Variants in C1orf21 observed in about 807,000 individuals in gnomAD.
C1orf21 encodes the protein chromosome 1 open reading frame 21.
C1orf21 carries 3 observed loss-of-function variants against 18.7 expected under a neutral mutation model. That is an observed-to-expected ratio of 0.16 (90% CI 0.07 to 0.42). The LOEUF is 0.42. Among genes scored for constraint, C1orf21 ranks in the 10% least tolerant of loss-of-function variants. The probability of loss-of-function intolerance (pLI) is 0.99; values close to 1 mark genes in which losing one functional copy is unlikely to be tolerated. For missense variants in C1orf21, 104 were observed against 143.6 expected (o/e 0.72, Z 1.41); for synonymous variants, 41 against 46.4 (o/e 0.88, Z 0.47).
chr1:184,568,882 C>A (rs1241748825), intron 3 of C1orf21, among the ~76,000 whole-genome samples: 1 of 152,240 alleles, frequency 6.6e-6, no homozygotes, highest in Non-Finnish European at 1.5e-5. Context: ...CCGTGTAGCA[C>A]ACAAGTAAAG....
intron 4 of C1orf21, among the ~76,000 whole-genome samples, chr1:184,597,225 A>C (rs1055141710): frequency 2.0e-5 from 3 of 152,238 alleles, no homozygotes; most frequent in Non-Finnish European, 4.4e-5. Flanking sequence ...ATATATGTGA[A>C]AGTGCTTTGT....
chr1:184,531,993 T>C (rs1412794800), intron 3 of C1orf21, among the ~76,000 whole-genome samples: 1 of 152,140 alleles, frequency 6.6e-6, no homozygotes, highest in Non-Finnish European at 1.5e-5. Context: ...TTATTTGTGT[T>C]GGTATACATT....
chr1:184,417,389 C>T (rs1453918096), intron 1 of C1orf21, among the ~76,000 whole-genome samples: 2 of 152,192 alleles, frequency 1.3e-5, no homozygotes, highest in Non-Finnish European at 2.9e-5. Context: ...AGATAGCTCT[C>T]AGAGTAGCTA....
At chr1:184,497,564 A>G (rs1217293441) in intron 2 of C1orf21, among the ~76,000 whole-genome samples, 1 of 152,218 alleles carries the variant, frequency 6.6e-6, no homozygotes, top group African/African-American at 2.4e-5. Context: ...GTGGAAAGTC[A>G]AGTCATGAAT....
chr1:184,596,504 G>A (rs186208660), intron 4 of C1orf21, among the ~76,000 whole-genome samples: 27 of 152,242 alleles, frequency 1.8e-4, no homozygotes, highest in African/African-American at 6.0e-4. Flanking sequence ...TGAGGTCCCT[G>A]GAATATTTTC....
intron 3 of C1orf21, among the ~76,000 whole-genome samples, chr1:184,511,297 C>G (rs183292735): frequency 2.3e-4 from 35 of 152,260 alleles, no homozygotes; most frequent in Admixed American, 1.4e-3. Context: ...CTTAGACAGT[C>G]AGATTATCTG....
chr1:184,397,473 C>T (rs1283995353), intron 1 of C1orf21, among the ~76,000 whole-genome samples: 2 of 152,080 alleles, frequency 1.3e-5, no homozygotes, highest in East Asian at 1.9e-4. Flanking sequence ...GTAGTCCCAG[C>T]TACTTGGGAG....
intron 1 of C1orf21, among the ~76,000 whole-genome samples, chr1:184,435,095 A>G (rs762783199): frequency 1.3e-5 from 2 of 152,174 alleles, no homozygotes; most frequent in African/African-American, 2.4e-5. Context: ...GAAGTAGGGT[A>G]TAGAGCATTA....
At chr1:184,587,773 G>A (rs1659379353) in intron 3 of C1orf21, among the ~76,000 whole-genome samples, 1 of 150,996 alleles carries the variant, frequency 6.6e-6, no homozygotes, top group African/African-American at 2.4e-5. Flanking sequence ...ACACCACCAT[G>A]CCTGGCTAAT....
intron 1 of C1orf21, among the ~76,000 whole-genome samples, chr1:184,405,631 A>T (rs1033700962): frequency 2.0e-5 from 3 of 152,206 alleles, no homozygotes; most frequent in African/African-American, 7.2e-5. Context: ...GGGAGCATTC[A>T]AATGAGCATT....
chr1:184,427,638 T>C (rs1305618341), intron 1 of C1orf21, among the ~76,000 whole-genome samples: 2 of 152,220 alleles, frequency 1.3e-5, no homozygotes, highest in Non-Finnish European at 2.9e-5. Flanking sequence ...ATGAAATTGA[T>C]GTCTCCCTTC....
chr1:184,524,121 A>C (rs1056221869), intron 3 of C1orf21, among the ~76,000 whole-genome samples: 4 of 152,166 alleles, frequency 2.6e-5, no homozygotes, highest in Non-Finnish European at 5.9e-5. Context: ...ATGAGTTTGC[A>C]CGTTCTAAAA....
chr1:184,516,101 C>T (rs550344056), intron 3 of C1orf21, among the ~76,000 whole-genome samples: 25 of 152,320 alleles, frequency 1.6e-4, no homozygotes, highest in South Asian at 8.3e-4. Flanking sequence ...ACATGAGCCA[C>T]CATGCCCAGC....
Position 184,628,017 on chromosome 1 carries a change from C to CTTAT in C1orf21, c.*8462_*8465dup, listed in dbSNP as rs1394515848. The CTTAT allele has an allele frequency of 6.6e-6, 1 of 152,182 alleles. No individual in the cohort carries two copies. The highest frequency in any genetic ancestry group is 1.5e-5 in the Non-Finnish European group (1 of 68,044). The allele number at this position is 152,182 out of a possible 1,614,324, so 9.4% of individuals were successfully genotyped here. On this transcript the variant is annotated 3_prime_UTR_variant, in exon 6 of 6. Coordinates refer to ENST00000235307, the MANE Select transcript of C1orf21 (RefSeq NM_030806.4). ...TTTGCATTTTATTTAGGAACATGGC[C>CTTAT]TTATATTCAAGGAAAATCTAGCATC...
intron 3 of C1orf21, chr1:184,567,076 G>C (rs910063128): frequency 4.5e-5 from 22 of 489,788 alleles, no homozygotes; most frequent in Admixed American, 8.6e-5. Context: ...ACATCCTTGA[G>C]AAAGACAGTC....
At chr1:184,570,650 A>G (rs1659094975) in intron 3 of C1orf21, among the ~76,000 whole-genome samples, 1 of 152,204 alleles carries the variant, frequency 6.6e-6, no homozygotes, top group African/African-American at 2.4e-5. Context: ...GTAATATTCT[A>G]CCCTCCTATA....
At chr1:184,415,329 G>A (rs528793323) in intron 1 of C1orf21, among the ~76,000 whole-genome samples, 3 of 152,242 alleles carry the variant, frequency 2.0e-5, no homozygotes, top group South Asian at 4.1e-4. Flanking sequence ...CTCCTTACTC[G>A]GTAAGTGTCT....
intron 3 of C1orf21, among the ~76,000 whole-genome samples, chr1:184,557,232 G>A (rs541472779): frequency 6.7e-6 from 1 of 149,146 alleles, no homozygotes; most frequent in Non-Finnish European, 1.5e-5. Context: ...AGCTCAATTT[G>A]TGTGTATGTG....
At chr1:184,512,672 C>A (rs184534442) in intron 3 of C1orf21, among the ~76,000 whole-genome samples, 1 of 152,266 alleles carries the variant, frequency 6.6e-6, no homozygotes, top group East Asian at 1.9e-4. Context: ...TGGGGCCTAG[C>A]TTCACCATTT....
Sources: gnomAD v4.1 joint callset for allele counts (sites outside exome capture counted in the v4.1 genomes callset) on GRCh38, gnomAD v4.1.1 for gene constraint, MANE v1.5 for transcripts, NCBI Gene and HGNC (gene_info 2026-07-23, HGNC 2026-07-21) for gene names.